ATRNL1: variants seen among roughly 807,000 people sequenced by gnomAD.
ATRNL1 encodes attractin-like protein 1.
ATRNL1 carries 95 observed loss-of-function variants against 182.7 expected under a neutral mutation model. The observed-to-expected ratio is 0.52, with a 90% CI of 0.44 to 0.62. ATRNL1 has a LOEUF of 0.62. Ranked by LOEUF, ATRNL1 falls within the 20% of genes least tolerant of loss-of-function variation. ATRNL1 has a pLI of 0.00. For synonymous variants in ATRNL1, 576 were observed against 568.3 expected (o/e 1.01, Z -0.19); for missense variants, 1,471 against 1,679.5 (o/e 0.88, Z 2.17).
At chr10:115,491,527 A>T (rs1849300726) in intron 24 of ATRNL1, among the ~76,000 whole-genome samples, 1 of 151,786 alleles carries the variant, frequency 6.6e-6, no homozygotes, top group Non-Finnish European at 1.5e-5. Flanking sequence ...TGAACTTCCC[A>T]GTGGCTTTGT....
At chr10:115,228,147 A>G (rs1849772093) in intron 9 of ATRNL1, among the ~76,000 whole-genome samples, 1 of 152,158 alleles carries the variant, frequency 6.6e-6, no homozygotes, top group Non-Finnish European at 1.5e-5. Context: ...AAAGAGGGTC[A>G]ATTTTTTATG....
chr10:115,671,763 G>T (rs374980308), intron 26 of ATRNL1, among the ~76,000 whole-genome samples: 1 of 152,092 alleles, frequency 6.6e-6, no homozygotes, highest in Admixed American at 6.6e-5. Context: ...GGTTTTTTAC[G>T]AAGTTTGTTT....
intron 28 of ATRNL1, among the ~76,000 whole-genome samples, chr10:115,865,974 G>C (rs1555104678): frequency 2.6e-5 from 4 of 151,884 alleles, no homozygotes. Flanking sequence ...ATAGTTTGTG[G>C]ATTTTTTTTC....
intron 26 of ATRNL1, among the ~76,000 whole-genome samples, chr10:115,565,514 T>C (rs1160961980): frequency 6.6e-6 from 1 of 152,018 alleles, no homozygotes; most frequent in African/African-American, 2.4e-5. Flanking sequence ...TGTTGAGTAA[T>C]GGTACAGACT....
At chr10:115,713,484 T>C (rs1341077650) in intron 26 of ATRNL1, among the ~76,000 whole-genome samples, 1 of 151,948 alleles carries the variant, frequency 6.6e-6, no homozygotes, top group African/African-American at 2.4e-5. Context: ...TGTGTCTGTG[T>C]GAAGATGATT....
chr10:115,847,844 T>C (rs1555099245), intron 27 of ATRNL1, 33 bp from the exon 28 acceptor site: 2 of 1,211,634 alleles, frequency 1.7e-6, no homozygotes, highest in East Asian at 2.3e-5. Context: ...GCTATGTCAA[T>C]TTTGCAAACT....
intron 26 of ATRNL1, among the ~76,000 whole-genome samples, chr10:115,557,306 C>T (rs1853369690): frequency 6.6e-6 from 1 of 152,120 alleles, no homozygotes; most frequent in African/African-American, 2.4e-5. Context: ...TTGGGAATCT[C>T]AGCACATAGA....
intron 13 of ATRNL1, among the ~76,000 whole-genome samples, chr10:115,268,851 T>C (rs180671179): frequency 1.9e-3 from 287 of 152,330 alleles, no homozygotes; most frequent in African/African-American, 6.3e-3. Context: ...TTTCACACTT[T>C]GTGTGTAAGT....
At chr10:115,718,894 T>C (rs1460485377) in intron 26 of ATRNL1, among the ~76,000 whole-genome samples, 1 of 152,192 alleles carries the variant, frequency 6.6e-6, no homozygotes, top group African/African-American at 2.4e-5. Flanking sequence ...GAGTCTCTGG[T>C]ATTTTTTTTG....
chr10:115,101,289 T>G (rs1320127195), intron 1 of ATRNL1, among the ~76,000 whole-genome samples: 1 of 152,058 alleles, frequency 6.6e-6, no homozygotes, highest in Admixed American at 6.6e-5. Context: ...TACTTAAGAT[T>G]TAGGGGGAGA....
chr10:115,178,058 A>G (rs1423552609), intron 8 of ATRNL1, among the ~76,000 whole-genome samples: 1 of 150,396 alleles, frequency 6.6e-6, no homozygotes. Context: ...GGTTGGGATT[A>G]TAGGCATGCA....
chr10:115,647,218 G>T (rs1859688711), intron 26 of ATRNL1, among the ~76,000 whole-genome samples: 1 of 152,144 alleles, frequency 6.6e-6, no homozygotes, highest in Non-Finnish European at 1.5e-5. Context: ...ATTTGGGTTG[G>T]TTCCAAGTCT....
chr10:115,542,362 C>T (rs1453332166), intron 25 of ATRNL1, among the ~76,000 whole-genome samples: 2 of 151,936 alleles, frequency 1.3e-5, no homozygotes, highest in Non-Finnish European at 2.9e-5. Flanking sequence ...TTTATTCTTT[C>T]CCAGCCTTCA....
intron 7 of ATRNL1, among the ~76,000 whole-genome samples, chr10:115,167,937 A>G (rs1195034127): frequency 1.3e-5 from 2 of 152,066 alleles, no homozygotes; most frequent in Non-Finnish European, 2.9e-5. Flanking sequence ...CTTTTAGAAT[A>G]CTTTCATTAC....
intron 27 of ATRNL1, among the ~76,000 whole-genome samples, chr10:115,790,651 C>A (rs1555081571): frequency 1.4e-5 from 2 of 147,770 alleles, no homozygotes; most frequent in South Asian, 4.3e-4. Context: ...AAAAAAAAAA[C>A]TTTTAAACTG....
chr10:115,107,315 A>G (rs537927299), intron 1 of ATRNL1, among the ~76,000 whole-genome samples: 1 of 152,250 alleles, frequency 6.6e-6, no homozygotes, highest in African/African-American at 2.4e-5. Context: ...TAGGATCTAC[A>G]TTCCCGTTCC....
chr10:115,139,536 A>G (rs1845669626), intron 5 of ATRNL1, among the ~76,000 whole-genome samples: 2 of 152,196 alleles, frequency 1.3e-5, no homozygotes, highest in Admixed American at 1.3e-4. Context: ...TTTTACAACC[A>G]TCAGATCTTG....
intron 26 of ATRNL1, among the ~76,000 whole-genome samples, chr10:115,568,022 T>G (rs1283082957): frequency 6.6e-6 from 1 of 152,132 alleles, no homozygotes; most frequent in Non-Finnish European, 1.5e-5. Context: ...GAATTACTTA[T>G]TTTTTCTTAA....
intron 28 of ATRNL1, among the ~76,000 whole-genome samples, chr10:115,890,973 C>A (rs1424188863): frequency 6.6e-6 from 1 of 152,108 alleles, no homozygotes; most frequent in Non-Finnish European, 1.5e-5. Flanking sequence ...ACTGGGGACT[C>A]ATGAAATGCC....
Sources: allele counts gnomAD v4.1 joint callset (sites outside exome capture counted in the v4.1 genomes callset), GRCh38; gene constraint gnomAD v4.1.1; transcripts MANE v1.5; gene names NCBI Gene and HGNC (gene_info 2026-07-23, HGNC 2026-07-21).